Variants in SYT16 observed in about 807,000 individuals in gnomAD.
The protein encoded by SYT16 is synaptotagmin 16.
A neutral mutation model predicts 61.4 loss-of-function variants in SYT16; 42 were observed. The observed-to-expected ratio is 0.68, with a 90% CI of 0.53 to 0.89. SYT16 has a LOEUF of 0.89. Ranked by LOEUF, SYT16 falls within the 40% of genes least tolerant of loss-of-function variation. The probability of loss-of-function intolerance (pLI) is 0.00; values close to 1 mark genes in which losing one functional copy is unlikely to be tolerated. For synonymous variants in SYT16, 314 were observed against 302.3 expected (o/e 1.04, Z -0.40); for missense variants, 804 against 807.3 (o/e 1.00, Z 0.05).
intron 1 of SYT16, among the ~76,000 whole-genome samples, chr14:61,961,041 G>C (rs939876380): frequency 6.6e-6 from 1 of 152,172 alleles, no homozygotes; most frequent in East Asian, 1.9e-4. Context: ...TCAATAAATG[G>C]TGCTGGGATA....
intron 3 of SYT16, among the ~76,000 whole-genome samples, chr14:62,013,480 T>C (rs1284169379): frequency 6.6e-6 from 1 of 152,190 alleles, no homozygotes; most frequent in Admixed American, 6.5e-5. Flanking sequence ...AAATAGGCTG[T>C]ATTTGCAGTC....
chr14:61,944,983 A>C (rs986998728), intron 1 of SYT16, among the ~76,000 whole-genome samples: 1 of 152,222 alleles, frequency 6.6e-6, no homozygotes, highest in Non-Finnish European at 1.5e-5. Context: ...TTTGCAATCT[A>C]TCTGTCTGAC....
chr14:61,824,855 AGT>A (rs2045725916), intron 1 of SYT16, among the ~76,000 whole-genome samples: 1 of 152,208 alleles, frequency 6.6e-6, no homozygotes, highest in African/African-American at 2.4e-5. Flanking sequence ...CATTTTATTA[AGT>A]GTACACTAAA....
At chr14:62,016,820 C>A (rs555225144) in intron 3 of SYT16, among the ~76,000 whole-genome samples, 2 of 152,094 alleles carry the variant, frequency 1.3e-5, no homozygotes, top group Non-Finnish European at 2.9e-5. Flanking sequence ...TCTATGTTAA[C>A]TTTATCTCTA....
intron 1 of SYT16, chr14:61,864,774 TG>T: frequency 1.1e-6 from 1 of 936,730 alleles, no homozygotes; most frequent in Non-Finnish European, 1.7e-6. Context: ...GCTGGCCGGT[TG>T]GGCCCTAGTG....
intron 1 of SYT16, among the ~76,000 whole-genome samples, chr14:61,816,734 G>A (rs145469849): frequency 0.021 from 3,219 of 152,208 alleles, 63 homozygotes; most frequent in Admixed American, 0.036. Context: ...ACTCTTGGCC[G>A]GGCGCGGTGG....
Position 61,995,342 on chromosome 14 carries a change from C to T in SYT16, c.-144-534C>T, listed in dbSNP as rs1176459552. ...CCATTTGCCACCCTCAGTTTTTCAG[C>T]GATTGCTCCCCAAGAATAGATATGA... On this transcript the variant is annotated intron_variant, in intron 2 of 7. Coordinates refer to ENST00000683842, the MANE Select transcript of SYT16 (RefSeq NM_001367656.1). Among the ~76,000 whole-genome samples the T allele has an allele frequency of 4.6e-5, 7 of 152,168 alleles. No homozygotes were observed. In the East Asian group the frequency reaches 7.7e-4, roughly 17 times the overall value.
intron 2 of SYT16, among the ~76,000 whole-genome samples, chr14:61,991,747 T>C (rs1372355475): frequency 6.6e-6 from 1 of 152,220 alleles, no homozygotes; most frequent in Admixed American, 6.5e-5. Context: ...AGTACAGAAC[T>C]ATTCCATGAA....
At chr14:61,993,262 G>A (rs912292993) in intron 2 of SYT16, among the ~76,000 whole-genome samples, 1 of 151,826 alleles carries the variant, frequency 6.6e-6, no homozygotes, top group African/African-American at 2.4e-5. Context: ...GGGGCCTGTG[G>A]GGGTGTGGGG....
intron 3 of SYT16, among the ~76,000 whole-genome samples, chr14:62,056,219 C>A (rs2055548092): frequency 6.6e-6 from 1 of 152,150 alleles, no homozygotes; most frequent in African/African-American, 2.4e-5. Flanking sequence ...CAGTGAAATA[C>A]TATCTCACGT....
chr14:61,830,775 A>G (rs1271055770), intron 1 of SYT16, among the ~76,000 whole-genome samples: 2 of 151,900 alleles, frequency 1.3e-5, no homozygotes, highest in African/African-American at 2.4e-5. Flanking sequence ...TGAAGAAGGG[A>G]AGGGGCACTG....
chr14:61,925,096 A>G (rs766878855), intron 1 of SYT16, among the ~76,000 whole-genome samples: 2 of 152,248 alleles, frequency 1.3e-5, no homozygotes, highest in Admixed American at 6.5e-5. Context: ...AGCCATTGGC[A>G]TAGCTAAATG....
At chr14:61,925,442 G>A (rs1437177216) in intron 1 of SYT16, among the ~76,000 whole-genome samples, 1 of 152,162 alleles carries the variant, frequency 6.6e-6, no homozygotes, top group Non-Finnish European at 1.5e-5. Flanking sequence ...ACACAAAATG[G>A]TGTATTAGCA....
At chr14:61,905,492 C>G (rs1594879152) in intron 1 of SYT16, among the ~76,000 whole-genome samples, 1 of 152,228 alleles carries the variant, frequency 6.6e-6, no homozygotes, top group African/African-American at 2.4e-5. Flanking sequence ...CTTCTTGCAT[C>G]TGGGACCATC....
Position 61,852,535 on chromosome 14 carries a change from T to G in SYT16, c.-325+39725T>G, listed in dbSNP as rs544788328. Among the ~76,000 whole-genome samples, 122 of 152,346 alleles carry G rather than the reference T, an allele frequency of 8.0e-4. 4 individuals carry two copies. The South Asian group carries it at 0.024, about 31-fold the overall frequency. ...AGTATGGCCATTTTCATGATATTGA[T>G]TCTCCTATCCAAGAGCATGGAATGT... On this transcript the variant is annotated intron_variant, in intron 1 of 7. Transcript: ENST00000683842.
intron 1 of SYT16, among the ~76,000 whole-genome samples, chr14:61,951,049 A>G (rs2050652453): frequency 6.6e-6 from 1 of 152,222 alleles, no homozygotes; most frequent in African/African-American, 2.4e-5. Flanking sequence ...CTGAGCTTTA[A>G]AAAGGGACAC....
chr14:62,090,261 C>G (rs2057026807), intron 7 of SYT16, among the ~76,000 whole-genome samples: 1 of 152,180 alleles, frequency 6.6e-6, no homozygotes, highest in Non-Finnish European at 1.5e-5. Flanking sequence ...CAGTTAAAAA[C>G]AAGTTCCCCA....
chr14:61,992,032 A>G (rs1195812972), intron 2 of SYT16, among the ~76,000 whole-genome samples: 1 of 152,132 alleles, frequency 6.6e-6, no homozygotes, highest in Non-Finnish European at 1.5e-5. Context: ...TTCTGGAGCT[A>G]CAAAGTATAA....
chr14:61,970,487 G>A (rs2051499379), intron 2 of SYT16, among the ~76,000 whole-genome samples, 176 bp downstream of exon 2: 1 of 152,184 alleles, frequency 6.6e-6, no homozygotes, highest in Non-Finnish European at 1.5e-5. Flanking sequence ...CATCTTCTTA[G>A]CTCTTTAGAA....
Sources: gnomAD v4.1 joint callset for allele counts (sites outside exome capture counted in the v4.1 genomes callset) on GRCh38, gnomAD v4.1.1 for gene constraint, MANE v1.5 for transcripts, NCBI Gene and HGNC (gene_info 2026-07-23, HGNC 2026-07-21) for gene names.